Variants in VPS13B observed in about 807,000 individuals in gnomAD.
VPS13B encodes the protein intermembrane lipid transfer protein VPS13B.
Under a neutral mutation model 426.4 loss-of-function variants are expected in VPS13B, and 285 were observed. That is an observed-to-expected ratio of 0.67 (90% CI 0.61 to 0.74). VPS13B has a LOEUF of 0.74. Ranked by LOEUF, VPS13B falls within the 30% of genes least tolerant of loss-of-function variation. VPS13B has a pLI of 0.00. For synonymous variants in VPS13B, 1,676 were observed against 1,676.4 expected (o/e 1.00, Z 0.01); for missense variants, 4,537 against 4,782.6 (o/e 0.95, Z 1.51).
At chr8:99,053,819 C>A (rs1387343751) in intron 3 of VPS13B, among the ~76,000 whole-genome samples, 1 of 151,986 alleles carries the variant, frequency 6.6e-6, no homozygotes, top group Non-Finnish European at 1.5e-5. Flanking sequence ...TCTCCTGCCT[C>A]AGCCTCCTGA....
At chr8:99,602,578 A>T (rs2133859848) in intron 33 of VPS13B, among the ~76,000 whole-genome samples, 1 of 152,306 alleles carries the variant, frequency 6.6e-6, no homozygotes, top group South Asian at 2.1e-4. Context: ...AAAGAGGAAG[A>T]GAGGAAGTCA....
intron 21 of VPS13B, among the ~76,000 whole-genome samples, chr8:99,427,469 A>C (rs557821585): frequency 6.6e-6 from 1 of 151,140 alleles, no homozygotes; most frequent in African/African-American, 2.4e-5. Flanking sequence ...TGGTAGCTTG[A>C]TGGGGATTCT....
intron 54 of VPS13B, among the ~76,000 whole-genome samples, chr8:99,845,601 C>T (rs118051774): frequency 0.013 from 1,910 of 152,286 alleles, 32 homozygotes; most frequent in Non-Finnish European, 0.016. Flanking sequence ...CTGTATCAAG[C>T]TTCTTACTTG....
intron 17 of VPS13B, among the ~76,000 whole-genome samples, chr8:99,255,627 G>A (rs1817706032): frequency 6.6e-6 from 1 of 152,136 alleles, no homozygotes; most frequent in Non-Finnish European, 1.5e-5. Flanking sequence ...AGGCCAGGGG[G>A]GATTCTTGTT....
At chr8:99,433,621 T>C (rs1588374733) in intron 22 of VPS13B, among the ~76,000 whole-genome samples, 1 of 152,210 alleles carries the variant, frequency 6.6e-6, no homozygotes, top group African/African-American at 2.4e-5. Context: ...TAGAAGTTAT[T>C]TAGGCTGAAA....
At chr8:99,616,819 A>G (rs1828114509) in intron 33 of VPS13B, among the ~76,000 whole-genome samples, 1 of 152,256 alleles carries the variant, frequency 6.6e-6, no homozygotes, top group South Asian at 2.1e-4. Context: ...CACCAGATAT[A>G]AATCTGTCTC....
intron 19 of VPS13B, among the ~76,000 whole-genome samples, chr8:99,288,716 A>AAT (rs1819569366): frequency 6.6e-6 from 1 of 152,226 alleles, no homozygotes; most frequent in East Asian, 1.9e-4. Context: ...TCTAATTATA[A>AAT]ATAAAATGTG....
chr8:99,520,026 A>C (rs1013777018), intron 29 of VPS13B, among the ~76,000 whole-genome samples: 2 of 152,182 alleles, frequency 1.3e-5, no homozygotes, highest in Non-Finnish European at 2.9e-5. Flanking sequence ...AAGACATTGA[A>C]TTCACTGTTG....
At position 99,634,448 on chromosome 8, in the gene VPS13B, C is replaced by A. The variant is rs1190159768; in HGVS notation, c.5221-7363C>A. On this transcript the variant is annotated intron_variant, in intron 33 of 61. Transcript: ENST00000357162. ...GGCCTCATACTGTTACTTCAAAGAG[C>A]CGGAAAAGTAACTTCATGAAAGGGA... 5.3e-5 allele frequency among the ~76,000 whole-genome samples: 8 copies of A among 152,018 alleles called. No homozygotes were observed. The South Asian group carries it at 1.7e-3, about 31-fold the overall frequency.
rs148732313 is a variant in VPS13B, at chr8:99,314,009, C to T, written c.2824+38755C>T. Among the ~76,000 whole-genome samples, 1,083 of 152,240 alleles carry T rather than the reference C, an allele frequency of 7.1e-3. 17 individuals are homozygous for T. Among genetic ancestry groups the T allele is most frequent in the African/African-American group, 0.025 (1,035 of 41,538 alleles). On this transcript the variant is annotated intron_variant, in intron 19 of 61. Transcript: ENST00000357162. ...CTCCTTGTGTGCCATTTGCTAAGAC[C>T]GTTGGAAAAGTGTAGTAGTAGGGTG... is the stretch of plus-strand genomic sequence containing the variant.
rs773580614 is a variant in VPS13B, at chr8:99,135,717, A to G, written c.1547A>G (p.Asp516Gly). Residue 516 changes from aspartate (D) to glycine (G), a missense_variant, in exon 11 of 62, where the codon GAT becomes GGT. By Grantham distance (94) the Asp-to-Gly change is moderately conservative. Around this residue, in one of 2 missense-constraint regions of VPS13B, gnomAD observed 4,311 missense variants for 4,474.3 expected, o/e 0.96. Coordinates refer to ENST00000357162, the MANE Select transcript of VPS13B (RefSeq NM_152564.5). ...GGTACTCGCGCAGAATTTATCTTGG[A>G]TTCAACTCATCATAAGGTTAGAGAA... Reference protein sequence around the residue: ...NNGTRAEFILDSTHHKETYTE... With the variant: ...NNGTRAEFILGSTHHKETYTE... 1.2e-6 allele frequency: 2 copies of G among 1,613,288 alleles called. No individual in the cohort carries two copies. The highest frequency in any genetic ancestry group is 2.2e-5 in the South Asian group (2 of 91,050).
intron 41 of VPS13B, 41 bp downstream of exon 41, chr8:99,776,997 C>A: frequency 1.9e-6 from 3 of 1,578,016 alleles, no homozygotes; most frequent in Non-Finnish European, 2.6e-6. Context: ...CCATTTAATA[C>A]TTACCATTTT....
At position 99,575,707 on chromosome 8, in the gene VPS13B, G is replaced by A; in HGVS notation, c.4999G>A (p.Asp1667Asn). 6.2e-7 allele frequency: 1 copy of A among 1,613,872 alleles called. No individual in the cohort carries two copies. Among genetic ancestry groups the A allele is most frequent in the Non-Finnish European group, 8.5e-7 (1 of 1,179,882 alleles). The change falls in exon 32 of 62, where the codon GAT becomes AAT. Residue 1667 changes from aspartate to asparagine, a missense_variant. Asp to Asn is a conservative substitution (Grantham distance 23). Around this residue, in one of 2 missense-constraint regions of VPS13B, gnomAD observed 4,311 missense variants for 4,474.3 expected, o/e 0.96. Coordinates refer to ENST00000357162, the MANE Select transcript of VPS13B (RefSeq NM_152564.5). ...AGCAATTTTGACCCCCGTTTTGACA[G>A]ATTTTTCTGTCCGAATAACTGGAGC... ...RRAILTPVLTDFSVRITGAPA... is the reference protein window; with the variant it reads ...RRAILTPVLTNFSVRITGAPA...
In VPS13B at chr8:99,556,506, A is replaced by G. The variant is rs1347359824; in HGVS notation, c.4802A>G (p.Gln1601Arg). ...CCTGGATCAGAAATCGAAGACAGAC[A>G]ATACCAAATAGATCTGCAGTCCATC... ...RDPGSEIEDR[Q>R]YQIDLQSINI... is the part of the protein sequence containing the mutation. The change falls in exon 31 of 62, where the codon CAA becomes CGA. Residue 1601 changes from glutamine (Q) to arginine (R), a missense_variant. Gln to Arg is a conservative substitution (Grantham distance 43). This residue lies in a region of VPS13B where 4,311 missense variants were observed against 4,474.3 expected (regional missense o/e 0.96). Transcript: ENST00000357162. The G allele has an allele frequency of 6.2e-7, 1 of 1,613,154 alleles. No homozygotes were observed. The highest frequency in any genetic ancestry group is 1.7e-5 in the Admixed American group (1 of 59,840).
intron 23 of VPS13B, among the ~76,000 whole-genome samples, chr8:99,450,662 A>G (rs553987440): frequency 2.0e-5 from 3 of 152,278 alleles, no homozygotes; most frequent in African/African-American, 7.2e-5. Flanking sequence ...GCAGTGAGCC[A>G]AGATTGTGCC....
intron 21 of VPS13B, among the ~76,000 whole-genome samples, chr8:99,423,152 C>T (rs1412518902): frequency 6.6e-6 from 1 of 152,002 alleles, no homozygotes; most frequent in African/African-American, 2.4e-5. Context: ...CAGAAATTAC[C>T]ACTGATGCTG....
At chr8:99,333,422 A>G (rs1430441105) in intron 19 of VPS13B, among the ~76,000 whole-genome samples, 1 of 151,860 alleles carries the variant, frequency 6.6e-6, no homozygotes, top group African/African-American at 2.4e-5. Context: ...TAATGATAAC[A>G]TCTTACAAAA....
At chr8:99,489,497 A>G (rs1820484526) in intron 25 of VPS13B, among the ~76,000 whole-genome samples, 1 of 152,050 alleles carries the variant, frequency 6.6e-6, no homozygotes, top group Non-Finnish European at 1.5e-5. Flanking sequence ...CTTGGGCAGT[A>G]TGGCCATTTT....
intron 30 of VPS13B, among the ~76,000 whole-genome samples, chr8:99,546,055 T>C (rs1042846199): frequency 6.6e-6 from 1 of 152,078 alleles, no homozygotes; most frequent in African/African-American, 2.4e-5. Flanking sequence ...TTTTTAAAAA[T>C]TCATACCTTT....
Sources: gnomAD v4.1 joint callset for allele counts (sites outside exome capture counted in the v4.1 genomes callset) on GRCh38, gnomAD v4.1.1 for gene constraint, gnomAD v4.1.1 regional missense constraint, MANE v1.5 for transcripts, NCBI Gene and HGNC (gene_info 2026-07-23, HGNC 2026-07-21) for gene names.